PHF24: variants seen among roughly 807,000 people sequenced by gnomAD.
The protein encoded by PHF24 is PHD finger protein 24, also known as Galpha inhibitory interacting protein.
Under a neutral mutation model 42.6 loss-of-function variants are expected in PHF24, and 25 were observed. The observed-to-expected ratio is 0.59, with a 90% confidence interval of 0.43 to 0.82. The LOEUF (loss-of-function observed/expected upper bound fraction) is 0.82. Ranked by LOEUF, PHF24 falls within the 40% of genes least tolerant of loss-of-function variation. PHF24 has a pLI of 0.00. For synonymous variants in PHF24, 185 were observed against 204.8 expected (o/e 0.90, Z 0.83); for missense variants, 470 against 538.1 (o/e 0.87, Z 1.25).
At chr9:34,971,750 T>G in intron 2 of PHF24, 74 bp downstream of exon 2, 1 of 1,478,710 alleles carries the variant, frequency 6.8e-7, no homozygotes, top group South Asian at 1.4e-5. Context: ...TGGATGTGGG[T>G]AAGGTGATCC....
chr9:34,887,220 C>T, the PHF24 span, among the ~76,000 whole-genome samples: 1 of 152,164 alleles, frequency 6.6e-6, no homozygotes, highest in Admixed American at 6.6e-5. Flanking sequence ...ATCTCCTCTG[C>T]TGCTATAATT....
At chr9:34,890,275 C>T in the PHF24 span, among the ~76,000 whole-genome samples, 4 of 152,210 alleles carry the variant, frequency 2.6e-5, no homozygotes, top group Non-Finnish European at 4.4e-5. Context: ...CAGACACCCC[C>T]TTCTCTGTGA....
the PHF24 span, among the ~76,000 whole-genome samples, chr9:34,763,831 G>A: frequency 9.2e-5 from 14 of 152,222 alleles, no homozygotes; most frequent in South Asian, 2.1e-4. Flanking sequence ...ATTGGCTGTG[G>A]GTTTGTCATA....
the PHF24 span, among the ~76,000 whole-genome samples, chr9:34,935,878 G>A: frequency 6.6e-6 from 1 of 151,880 alleles, no homozygotes; most frequent in South Asian, 2.1e-4. Flanking sequence ...GAAAAAAGAG[G>A]TTAAATTGGG....
At chr9:34,711,581 C>T in the PHF24 span, among the ~76,000 whole-genome samples, 1,760 of 146,938 alleles carry the variant, frequency 0.012, 19 homozygotes, top group Non-Finnish European at 0.016. Flanking sequence ...CTCACTCTTT[C>T]GCCCAGGCTG....
the PHF24 span, among the ~76,000 whole-genome samples, chr9:34,820,116 G>A: frequency 6.7e-6 from 1 of 149,710 alleles, no homozygotes; most frequent in Non-Finnish European, 1.5e-5. Flanking sequence ...CCTTTCTTCT[G>A]AATAATATTA....
chr9:34,936,356 C>G, the PHF24 span, among the ~76,000 whole-genome samples: 4 of 152,254 alleles, frequency 2.6e-5, no homozygotes, highest in Non-Finnish European at 5.9e-5. Flanking sequence ...CAGACGGAGT[C>G]TCGTTCACTC....
chr9:34,872,404 T>G, the PHF24 span, among the ~76,000 whole-genome samples: 13 of 133,786 alleles, frequency 9.7e-5, no homozygotes, highest in South Asian at 2.0e-3. Flanking sequence ...CCCCTTCCTG[T>G]GTCCATGTGA....
intron 1 of PHF24, among the ~76,000 whole-genome samples, chr9:34,968,178 A>G (rs924774348): frequency 4.6e-5 from 7 of 152,220 alleles, no homozygotes; most frequent in South Asian, 2.1e-4. Context: ...ACCAATAAAT[A>G]TACTTCTACC....
chr9:34,935,827 AATG>A, the PHF24 span, among the ~76,000 whole-genome samples: 1 of 151,640 alleles, frequency 6.6e-6, no homozygotes, highest in African/African-American at 2.4e-5. Flanking sequence ...TACAGATAAG[AATG>A]ATGATGACAA....
At chr9:34,808,642 T>A in the PHF24 span, among the ~76,000 whole-genome samples, 2 of 152,076 alleles carry the variant, frequency 1.3e-5, no homozygotes, top group African/African-American at 4.8e-5. Context: ...GGTCTCTACT[T>A]CCAAGATGGT....
At chr9:34,686,560 A>G in the PHF24 span, among the ~76,000 whole-genome samples, 4 of 152,186 alleles carry the variant, frequency 2.6e-5, no homozygotes, top group Admixed American at 6.5e-5. Context: ...CTCCCTTGGG[A>G]GCTCCCTCAA....
the PHF24 span, among the ~76,000 whole-genome samples, chr9:34,840,916 G>C: frequency 2.0e-5 from 3 of 152,248 alleles, no homozygotes; most frequent in African/African-American, 4.8e-5. Context: ...TAGTGAAATT[G>C]CTGGGTCAAA....
At chr9:34,734,269 TAATG>T in the PHF24 span, among the ~76,000 whole-genome samples, 1 of 152,234 alleles carries the variant, frequency 6.6e-6, no homozygotes, top group African/African-American at 2.4e-5. Context: ...ATAAAAGTTT[TAATG>T]AATTGCTAAA....
At chr9:34,888,218 T>TAA in the PHF24 span, among the ~76,000 whole-genome samples, 6 of 152,194 alleles carry the variant, frequency 3.9e-5, no homozygotes, top group Non-Finnish European at 8.8e-5. Flanking sequence ...AAAACTAGAT[T>TAA]AAGTGCCCTC....
the PHF24 span, among the ~76,000 whole-genome samples, chr9:34,770,889 G>A: frequency 6.6e-6 from 1 of 152,120 alleles, no homozygotes; most frequent in Non-Finnish European, 1.5e-5. Context: ...TGAAGTGGGT[G>A]TATTACTTGA....
At chr9:34,893,595 C>CT in the PHF24 span, among the ~76,000 whole-genome samples, 14 of 149,784 alleles carry the variant, frequency 9.3e-5, no homozygotes, top group African/African-American at 3.5e-4. Context: ...GAGTGAAACT[C>CT]TGTCTCAAAA....
At chr9:34,683,916 C>G in the PHF24 span, among the ~76,000 whole-genome samples, 1 of 152,136 alleles carries the variant, frequency 6.6e-6, no homozygotes, top group Non-Finnish European at 1.5e-5. Flanking sequence ...ATTGTCCTGG[C>G]CACTTGGCAT....
chr9:34,824,358 C>T, the PHF24 span, among the ~76,000 whole-genome samples: 1 of 152,188 alleles, frequency 6.6e-6, no homozygotes, highest in African/African-American at 2.4e-5. Flanking sequence ...AAATATATGA[C>T]ACATATGTGT....
Sources: allele counts gnomAD v4.1 joint callset (sites outside exome capture counted in the v4.1 genomes callset), GRCh38; gene constraint gnomAD v4.1.1; transcripts MANE v1.5; gene names NCBI Gene and HGNC (gene_info 2026-07-23, HGNC 2026-07-21).